CCDC178: variants seen among roughly 807,000 people sequenced by gnomAD.
CCDC178 encodes the protein coiled-coil domain-containing protein 178.
CCDC178 carries 126 observed loss-of-function variants against 117.4 expected under a neutral mutation model. That is an observed-to-expected ratio of 1.07 (90% CI 0.93 to 1.24). The LOEUF (loss-of-function observed/expected upper bound fraction) is 1.24, where lower values mean the gene tolerates loss of function less well. Among genes scored for constraint, CCDC178 ranks in the 50% most tolerant of loss-of-function variants. The probability of loss-of-function intolerance (pLI) is 0.00; values close to 1 mark genes in which losing one functional copy is unlikely to be tolerated. For missense variants in CCDC178, 1,030 were observed against 986.9 expected (o/e 1.04, Z -0.59); for synonymous variants, 283 against 313.4 (o/e 0.90, Z 1.02).
At chr18:33,033,343 C>A (rs1004585635) in intron 21 of CCDC178, among the ~76,000 whole-genome samples, 2 of 151,932 alleles carry the variant, frequency 1.3e-5, no homozygotes, top group Non-Finnish European at 2.9e-5. Context: ...TAGCCTATGT[C>A]GCCTCCAAGG....
At chr18:33,047,021 G>A (rs2056656409) in intron 21 of CCDC178, among the ~76,000 whole-genome samples, 1 of 152,084 alleles carries the variant, frequency 6.6e-6, no homozygotes, top group South Asian at 2.1e-4. Flanking sequence ...ATGGAACTGT[G>A]CTATTTTTTA....
At chr18:33,329,449 AG>A (rs937646136) in intron 10 of CCDC178, among the ~76,000 whole-genome samples, 29 of 152,274 alleles carry the variant, frequency 1.9e-4, no homozygotes, top group Middle Eastern at 3.4e-3. Context: ...CCTTATTCAT[AG>A]TGAGCAAGTT....
At chr18:33,408,928 A>G (rs537048500) in intron 3 of CCDC178, among the ~76,000 whole-genome samples, 1 of 152,334 alleles carries the variant, frequency 6.6e-6, no homozygotes, top group East Asian at 1.9e-4. Flanking sequence ...TTGTTAGCCC[A>G]AACAGAGCTA....
intron 4 of CCDC178, among the ~76,000 whole-genome samples, chr18:33,394,215 G>GA (rs752190388): frequency 4.0e-5 from 6 of 151,778 alleles, no homozygotes; most frequent in Non-Finnish European, 8.8e-5. Context: ...CAATGAGGAT[G>GA]AAAAAAATCT....
intron 5 of CCDC178, among the ~76,000 whole-genome samples, chr18:33,382,095 A>T (rs1434952010): frequency 1.3e-5 from 2 of 152,214 alleles, no homozygotes; most frequent in Non-Finnish European, 2.9e-5. Context: ...GGACATACAC[A>T]GATGAAAGAA....
At chr18:32,967,572 T>C (rs760867430) in intron 22 of CCDC178, among the ~76,000 whole-genome samples, 1 of 151,606 alleles carries the variant, frequency 6.6e-6, no homozygotes, top group African/African-American at 2.4e-5. Flanking sequence ...TGAATTTTGC[T>C]TTTATGACCA....
intron 12 of CCDC178, among the ~76,000 whole-genome samples, chr18:33,288,211 C>CCCT (rs1202612559): frequency 1.3e-5 from 2 of 150,120 alleles, no homozygotes; most frequent in Non-Finnish European, 3.0e-5. Context: ...TTCCCTACCT[C>CCCT]CCTCCTCCTC....
chr18:33,282,086 G>A (rs2060032715), intron 12 of CCDC178, among the ~76,000 whole-genome samples: 1 of 152,120 alleles, frequency 6.6e-6, no homozygotes, highest in South Asian at 2.1e-4. Context: ...AGAAAGCTGG[G>A]AACCCTGCAA....
At chr18:33,168,861 C>G (rs201805657) in intron 20 of CCDC178, among the ~76,000 whole-genome samples, 1 of 152,088 alleles carries the variant, frequency 6.6e-6, no homozygotes, top group East Asian at 1.9e-4. Flanking sequence ...ATAAAATAAG[C>G]CCAGTTAAAA....
At chr18:33,281,753 C>T (rs1349466294) in intron 12 of CCDC178, among the ~76,000 whole-genome samples, 1 of 152,192 alleles carries the variant, frequency 6.6e-6, no homozygotes, top group African/African-American at 2.4e-5. Flanking sequence ...TCATTCTTAC[C>T]TGTGCTTCTT....
chr18:33,310,500 A>G (rs896907839), intron 11 of CCDC178, among the ~76,000 whole-genome samples: 2 of 151,926 alleles, frequency 1.3e-5, no homozygotes, highest in Non-Finnish European at 2.9e-5. Context: ...TCAACCTGGG[A>G]AGCAAGCTGA....
At chr18:33,223,055 G>T (rs1159338929) in intron 18 of CCDC178, 51 bp downstream of exon 18, 6 of 1,335,224 alleles carry the variant, frequency 4.5e-6, no homozygotes, top group Non-Finnish European at 5.2e-6. Context: ...AGTTTTCACT[G>T]ACATACATAA....
intron 14 of CCDC178, among the ~76,000 whole-genome samples, chr18:33,260,239 T>C (rs1181428400): frequency 1.3e-5 from 2 of 152,036 alleles, no homozygotes; most frequent in East Asian, 1.9e-4. Context: ...GATTCATTCA[T>C]GTTGTTGTGT....
intron 6 of CCDC178, among the ~76,000 whole-genome samples, chr18:33,366,127 C>T (rs776466433): frequency 5.9e-5 from 9 of 151,938 alleles, no homozygotes; most frequent in South Asian, 2.1e-4. Context: ...ATTCAGTGTA[C>T]GTTATACCCA....
At chr18:33,085,077 T>C (rs2057358319) in intron 21 of CCDC178, among the ~76,000 whole-genome samples, 1 of 152,174 alleles carries the variant, frequency 6.6e-6, no homozygotes, top group Admixed American at 6.5e-5. Context: ...TCATCCCATA[T>C]TCTCAGGTTG....
intron 14 of CCDC178, among the ~76,000 whole-genome samples, chr18:33,258,989 C>A (rs904410415): frequency 6.6e-6 from 1 of 151,892 alleles, no homozygotes; most frequent in African/African-American, 2.4e-5. Context: ...CGTACATCAA[C>A]AATGTTTCAG....
chr18:33,209,328 C>T (rs1182349715), intron 20 of CCDC178, among the ~76,000 whole-genome samples: 1 of 151,916 alleles, frequency 6.6e-6, no homozygotes, highest in Non-Finnish European at 1.5e-5. Context: ...TATTTTCTTA[C>T]CTTTATTAGC....
chr18:33,364,264 T>C (rs927816372), intron 6 of CCDC178, among the ~76,000 whole-genome samples: 1 of 152,100 alleles, frequency 6.6e-6, no homozygotes, highest in East Asian at 1.9e-4. Context: ...TATATGTACG[T>C]ATGTGCATGT....
rs746505005 is a variant in CCDC178 at position 33,091,324 on chromosome 18, CTTTTTTTTTTTTTT to C, written c.2388+1423_2388+1436del. 9.3e-4 allele frequency among the ~76,000 whole-genome samples: 41 copies of C among 43,898 alleles called. 2 individuals are homozygous for C. The highest frequency in any genetic ancestry group is 2.2e-3 in the Admixed American group (5 of 2,232). The allele number at this position is 43,898 out of a possible 152,430, so 28.8% of individuals were successfully genotyped here. ...CTTTCCCAAACACACTTATTTCATT[CTTTTTTTTTTTTTT>C]TTTTTTTTTTTTTTTTGAGACGGAG... On this transcript the variant is annotated intron_variant, in intron 21 of 22. Coordinates refer to ENST00000383096, the MANE Select transcript of CCDC178 (RefSeq NM_001105528.4).
Sources: gnomAD v4.1 joint callset for allele counts (sites outside exome capture counted in the v4.1 genomes callset) on GRCh38, gnomAD v4.1.1 for gene constraint, MANE v1.5 for transcripts, NCBI Gene and HGNC (gene_info 2026-07-23, HGNC 2026-07-21) for gene names.